The following RBFOX1 variants were observed in gnomAD, a reference collection of about 807,000 sequenced individuals.
The protein encoded by RBFOX1 is RNA binding fox-1 homolog 1.
In RBFOX1, 8 loss-of-function variants were observed where a neutral mutation model predicts 57.7. The observed-to-expected ratio is 0.14, with a 90% CI of 0.08 to 0.25. The LOEUF (loss-of-function observed/expected upper bound fraction) is 0.25, where lower values mean the gene tolerates loss of function less well. Among genes scored for constraint, RBFOX1 ranks in the 10% least tolerant of loss-of-function variants. The pLI is 1.00. For synonymous variants in RBFOX1, 326 were observed against 222.4 expected (o/e 1.47, Z -4.15); for missense variants, 611 against 548.5 (o/e 1.11, Z -1.14).
chr16:5,614,570 T>G (rs934937747), intron 3 of RBFOX1, among the ~76,000 whole-genome samples: 9 of 152,206 alleles, frequency 5.9e-5, no homozygotes, highest in Admixed American at 2.6e-4. Context: ...CTTCATTGAT[T>G]TCTTTTAAGG....
intron 3 of RBFOX1, among the ~76,000 whole-genome samples, chr16:6,816,555 C>T (rs1230972408): frequency 1.3e-5 from 2 of 151,316 alleles, no homozygotes; most frequent in East Asian, 2.0e-4. Context: ...TCCTGGCTAA[C>T]ACAGTGAAAC....
intron 1 of RBFOX1, among the ~76,000 whole-genome samples, chr16:6,083,374 A>G (rs1171447520): frequency 6.6e-6 from 1 of 152,210 alleles, no homozygotes; most frequent in Non-Finnish European, 1.5e-5. Context: ...GACTCAGAAG[A>G]TCCCTCATAT....
chr16:5,402,675 C>G lies in RBFOX1; in HGVS notation c.220-64541C>G, dbSNP rs144604013. On this transcript the variant is annotated intron_variant, in intron 1 of 2. Coordinates refer to the RBFOX1 transcript ENST00000585867. ...TCCCGTGGTTGTGTCTCTTATTTTA[C>G]TTGCTGCTGCAAGTTTTGAGCCTTC... 3.0e-3 allele frequency among the ~76,000 whole-genome samples: 460 copies of G among 152,212 alleles called. 16 individuals are homozygous for G. The highest frequency in any genetic ancestry group is 0.025 in the Admixed American group (384 of 15,294).
At chr16:5,846,619 A>G (rs761828498) in intron 3 of RBFOX1, among the ~76,000 whole-genome samples, 2 of 152,174 alleles carry the variant, frequency 1.3e-5, no homozygotes, top group Non-Finnish European at 2.9e-5. Flanking sequence ...ACCCTGTCCC[A>G]AGGAACAGCA....
At chr16:5,667,318 A>T (rs995832344) in intron 3 of RBFOX1, among the ~76,000 whole-genome samples, 1 of 152,226 alleles carries the variant, frequency 6.6e-6, no homozygotes, top group Non-Finnish European at 1.5e-5. Context: ...ATGTAAGGCT[A>T]TACATTTTCC....
At chr16:5,632,257 C>A (rs571944554) in intron 3 of RBFOX1, among the ~76,000 whole-genome samples, 4 of 152,306 alleles carry the variant, frequency 2.6e-5, no homozygotes, top group Admixed American at 6.5e-5. Flanking sequence ...GTCTGATGAA[C>A]GAGAGTAAGG....
rs901649605 is a variant in RBFOX1, at chr16:6,335,295, T to C, written c.-64+18238T>C. ...TGGTGGTCTTATGTTTGAATGCGCG[T>C]CAGGCCCCAGGTGGTAGGTCTTGGT... On this transcript the variant is annotated intron_variant, in intron 2 of 15. Coordinates refer to ENST00000550418, the MANE Select transcript of RBFOX1 (RefSeq NM_018723.4). 2.0e-5 allele frequency among the ~76,000 whole-genome samples: 3 copies of C among 152,220 alleles called. No individual in the cohort carries two copies. The East Asian group carries it at 5.8e-4, about 29-fold the overall frequency.
At chr16:5,903,895 A>G (rs1483565301) in intron 4 of RBFOX1, among the ~76,000 whole-genome samples, 1 of 152,298 alleles carries the variant, frequency 6.6e-6, no homozygotes, top group Admixed American at 6.5e-5. Context: ...TGTGCTCACC[A>G]GAGCTGGCTT....
intron 4 of RBFOX1, among the ~76,000 whole-genome samples, chr16:7,211,357 G>A (rs1333099271): frequency 4.5e-5 from 6 of 132,502 alleles, no homozygotes; most frequent in Admixed American, 8.3e-5. Flanking sequence ...GCACCACTGC[G>A]CCCCAGCCTG....
rs373304899 is a variant in RBFOX1, at chr16:6,596,083, ACTT to A, written c.-63-58516_-63-58514del. ...GTTTCATTCTGTGGATTTCCTTTTT[ACTT>A]CTTATATGGGATTGTCAGCAGCACA... is the stretch of plus-strand genomic sequence containing the variant. On this transcript the variant is annotated intron_variant, in intron 2 of 15. Coordinates refer to ENST00000550418, the MANE Select transcript of RBFOX1 (RefSeq NM_018723.4). 6.6e-5 allele frequency among the ~76,000 whole-genome samples: 10 copies of A among 151,912 alleles called. No homozygotes were observed. In the Middle Eastern group the frequency reaches 0.017, roughly 258 times the overall value.
chr16:6,726,527 C>T (rs925334397), intron 3 of RBFOX1, among the ~76,000 whole-genome samples: 4 of 151,876 alleles, frequency 2.6e-5, no homozygotes, highest in African/African-American at 9.7e-5. Flanking sequence ...AGTACAGTGC[C>T]TGGACATGTT....
chr16:5,463,265 C>A (rs534220602), intron 1 of RBFOX1, among the ~76,000 whole-genome samples: 1 of 152,130 alleles, frequency 6.6e-6, no homozygotes, highest in African/African-American at 2.4e-5. Flanking sequence ...TGACACCTTA[C>A]TTTTCTGGGA....
intron 3 of RBFOX1, among the ~76,000 whole-genome samples, chr16:5,773,341 C>G (rs1166300885): frequency 6.6e-6 from 1 of 152,208 alleles, no homozygotes; most frequent in Non-Finnish European, 1.5e-5. Context: ...CAAGCAGCCT[C>G]TAGACTATGT....
At chr16:6,731,442 C>T (rs772107083) in intron 3 of RBFOX1, among the ~76,000 whole-genome samples, 1 of 152,182 alleles carries the variant, frequency 6.6e-6, no homozygotes, top group Non-Finnish European at 1.5e-5. Flanking sequence ...TGTCCTTCAT[C>T]CTGTGGGTTT....
At chr16:6,419,627 C>A (rs1168465351) in intron 2 of RBFOX1, among the ~76,000 whole-genome samples, 1 of 152,138 alleles carries the variant, frequency 6.6e-6, no homozygotes, top group African/African-American at 2.4e-5. Flanking sequence ...GAGATGCTTC[C>A]CTGCGTGGTG....
chr16:5,570,489 G>T (rs947668448), intron 2 of RBFOX1, among the ~76,000 whole-genome samples: 9 of 152,150 alleles, frequency 5.9e-5, no homozygotes, highest in Non-Finnish European at 1.0e-4. Context: ...CATTCTGGGT[G>T]CTTAACAGCT....
At chr16:6,315,036 C>A (rs565507465) in intron 1 of RBFOX1, among the ~76,000 whole-genome samples, 1 of 152,224 alleles carries the variant, frequency 6.6e-6, no homozygotes, top group African/African-American at 2.4e-5. Flanking sequence ...CAGTTCCTGA[C>A]ATTTAGAAGG....
intron 4 of RBFOX1, among the ~76,000 whole-genome samples, chr16:7,364,566 CAAG>C (rs1322328987): frequency 1.1e-5 from 1 of 92,910 alleles, no homozygotes; most frequent in Non-Finnish European, 2.1e-5. Context: ...CACATGATAT[CAAG>C]AAGACCAAAA....
At chr16:6,288,683 G>T (rs948131571) in intron 1 of RBFOX1, among the ~76,000 whole-genome samples, 2 of 152,114 alleles carry the variant, frequency 1.3e-5, no homozygotes, top group African/African-American at 4.8e-5. Context: ...AGCACATGTT[G>T]TTAATGTCCC....
Sources: gnomAD v4.1 joint callset for allele counts (sites outside exome capture counted in the v4.1 genomes callset) on GRCh38, gnomAD v4.1.1 for gene constraint, MANE v1.5 for transcripts, NCBI Gene and HGNC (gene_info 2026-07-23, HGNC 2026-07-21) for gene names.